Variants in ZNF536 observed in about 807,000 individuals in gnomAD.
The protein encoded by ZNF536 is zinc finger protein 536.
In ZNF536, 13 loss-of-function variants were observed where a neutral mutation model predicts 84.5. The ratio of observed to expected loss-of-function variants is 0.15; its 90% CI spans 0.10 to 0.24. The LOEUF is 0.24. ZNF536 is among the 10% of genes least tolerant of loss of function. The pLI is 1.00. For missense variants in ZNF536, 1,536 were observed against 1,747.5 expected (o/e 0.88, Z 2.16); for synonymous variants, 811 against 742.5 (o/e 1.09, Z -1.50).
At chr19:30,536,063 A>G (rs1281590436) in intron 3 of ZNF536, among the ~76,000 whole-genome samples, 2 of 152,114 alleles carry the variant, frequency 1.3e-5, no homozygotes, top group Non-Finnish European at 2.9e-5. Context: ...TTCATCCTGC[A>G]TGCCTCTCTT....
Position 30,408,449 on chromosome 19 carries a change from T to C in ZNF536, c.-2-35112T>C, listed in dbSNP as rs112274981. 5.6e-3 allele frequency among the ~76,000 whole-genome samples: 858 copies of C among 152,314 alleles called. 10 individuals are homozygous for C. The highest frequency in any genetic ancestry group is 0.019 in the African/African-American group (806 of 41,578). Reference sequence around the variant, plus strand: ...AGCTTCTTTCCTTCAGTACTCCATCTGCATTATTTGTCCAGGCCACAGCCT... The same window carrying C: ...AGCTTCTTTCCTTCAGTACTCCATCCGCATTATTTGTCCAGGCCACAGCCT... On this transcript the variant is annotated intron_variant, in intron 1 of 4. Coordinates refer to ENST00000355537, the MANE Select transcript of ZNF536 (RefSeq NM_014717.3).
chr19:30,235,109 G>A (rs1284550523), intron 1 of ZNF536, among the ~76,000 whole-genome samples: 1 of 152,162 alleles, frequency 6.6e-6, no homozygotes, highest in African/African-American at 2.4e-5. Context: ...ATTGGGTGGT[G>A]ACCCCATGCC....
At chr19:30,332,091 A>T (rs980833340) in intron 2 of ZNF536, among the ~76,000 whole-genome samples, 11 of 152,192 alleles carry the variant, frequency 7.2e-5, no homozygotes, top group Non-Finnish European at 1.3e-4. Flanking sequence ...ATCCATGGCC[A>T]CGGGCATCAA....
At chr19:30,485,603 C>CTTTTTTTTTTTTT (rs60352241) in intron 2 of ZNF536, among the ~76,000 whole-genome samples, 1 of 141,328 alleles carries the variant, frequency 7.1e-6, no homozygotes, top group Non-Finnish European at 1.6e-5. Flanking sequence ...TTTTTTTCTT[C>CTTTTTTTTTTTTT]TTTTTTTTTT....
chr19:30,268,778 T>G (rs2025659495), intron 1 of ZNF536, among the ~76,000 whole-genome samples: 1 of 152,190 alleles, frequency 6.6e-6, no homozygotes, highest in Non-Finnish European at 1.5e-5. Flanking sequence ...GTGGAAAATG[T>G]CGTGGGGGTT....
rs539180513 is a variant in ZNF536 at position 30,577,722 on chromosome 19, C to G, written c.169+28208C>G. On this transcript the variant is annotated intron_variant, in intron 1 of 1. Transcript: ENST00000592773. ...AACCTAATTTTCATTCAGTGCTGCCCCTGTCTGTGGAGTCATATACAAAGT... is the reference window on the plus strand; with the variant it reads ...AACCTAATTTTCATTCAGTGCTGCCGCTGTCTGTGGAGTCATATACAAAGT... Among the ~76,000 whole-genome samples the G allele has an allele frequency of 1.3e-4, 20 of 152,222 alleles. No homozygotes were observed. The South Asian group carries it at 3.7e-3, about 29-fold the overall frequency.
At chr19:30,431,179 C>T (rs2051444090) in intron 1 of ZNF536, among the ~76,000 whole-genome samples, 1 of 152,168 alleles carries the variant, frequency 6.6e-6, no homozygotes, top group African/African-American at 2.4e-5. Flanking sequence ...GATGGGCCAC[C>T]TGCAGCCAGC....
At position 30,614,942 on chromosome 19, in the gene ZNF536, A is replaced by ATTTTTTTTTTTTTTTTTTTTTTTTTT; in HGVS notation, c.169+65450_169+65451insTTTTTTTTTTTTTTTTTTTTTTTTTT. Among the ~76,000 whole-genome samples the ATTTTTTTTTTTTTTTTTTTTTTTTTT allele has an allele frequency of 4.0e-4, 13 of 32,308 alleles. 3 individuals carry two copies. Among genetic ancestry groups the ATTTTTTTTTTTTTTTTTTTTTTTTTT allele is most frequent in the Admixed American group, 5.9e-4 (2 of 3,410 alleles). The allele number at this position is 32,308 out of a possible 152,430, so 21.2% of individuals were successfully genotyped here. On this transcript the variant is annotated intron_variant, in intron 1 of 1. Transcript: ENST00000592773. ...TTTTCTTTTATTCTCCCCCTTTTCA[A>ATTTTTTTTTTTTTTTTTTTTTTTTTT]TTTTTTTTTTTTTTTTTTTTTTGAG...
At chr19:30,421,385 T>G (rs1373575005) in intron 1 of ZNF536, among the ~76,000 whole-genome samples, 1 of 152,022 alleles carries the variant, frequency 6.6e-6, no homozygotes, top group Non-Finnish European at 1.5e-5. Context: ...CGACTTCATT[T>G]TTTTTAAATT....
chr19:30,524,551 T>A (rs2044496656), intron 2 of ZNF536, among the ~76,000 whole-genome samples: 1 of 152,132 alleles, frequency 6.6e-6, no homozygotes, highest in African/African-American at 2.4e-5. Flanking sequence ...AATCATCCCT[T>A]CTCCTTTCAG....
At chr19:30,566,669 A>ATG (rs1296125084) in intron 1 of ZNF536, among the ~76,000 whole-genome samples, 5 of 143,164 alleles carry the variant, frequency 3.5e-5, no homozygotes, top group South Asian at 2.3e-4. Context: ...GCCTCTCCGG[A>ATG]CAGTGGAAGT....
chr19:30,398,345 G>T (rs1283939108), intron 1 of ZNF536, among the ~76,000 whole-genome samples: 1 of 151,196 alleles, frequency 6.6e-6, no homozygotes, highest in Non-Finnish European at 1.5e-5. Flanking sequence ...TGTATAAATG[G>T]AACCATATGG....
chr19:30,653,188 C>G (rs2049774348), intron 1 of ZNF536, among the ~76,000 whole-genome samples: 1 of 152,188 alleles, frequency 6.6e-6, no homozygotes, highest in African/African-American at 2.4e-5. Flanking sequence ...ACCAGATCCC[C>G]ATGGATCTTG....
At position 30,412,000 on chromosome 19, in the gene ZNF536, T is replaced by G. The variant is rs34876212; in HGVS notation, c.-2-31561T>G. Reference sequence around the variant, plus strand: ...TAGATTTTGCCCATGTCTTATTATATTTATTCTGGGTGTTTGAAATTTCCT... The same window carrying G: ...TAGATTTTGCCCATGTCTTATTATAGTTATTCTGGGTGTTTGAAATTTCCT... On this transcript the variant is annotated intron_variant, in intron 1 of 4. Transcript: ENST00000355537. Among the ~76,000 whole-genome samples, 1,423 of 152,138 alleles carry G rather than the reference T, an allele frequency of 9.4e-3. 10 individuals carry two copies. The highest frequency in any genetic ancestry group is 0.015 in the Non-Finnish European group (992 of 67,894).
downstream of ZNF536, among the ~76,000 whole-genome samples, chr19:30,562,122 C>T (rs1458132293): frequency 3.3e-5 from 5 of 152,142 alleles, no homozygotes; most frequent in Non-Finnish European, 7.4e-5. Flanking sequence ...CTTTGGGCAC[C>T]ATTTTCCTCT....
intron 1 of ZNF536, among the ~76,000 whole-genome samples, chr19:30,600,196 G>A (rs2041355740): frequency 1.3e-5 from 2 of 152,022 alleles, no homozygotes; most frequent in African/African-American, 2.4e-5. Context: ...AAGTGTAAGC[G>A]ATCCTTCTGC....
At chr19:30,581,847 T>A (rs994477845) in intron 1 of ZNF536, among the ~76,000 whole-genome samples, 2 of 152,030 alleles carry the variant, frequency 1.3e-5, no homozygotes, top group African/African-American at 4.8e-5. Flanking sequence ...GGCAGGAGAA[T>A]TGCTTGAACC....
intron 1 of ZNF536, among the ~76,000 whole-genome samples, chr19:30,663,273 G>A (rs1209866042): frequency 7.2e-5 from 11 of 152,066 alleles, no homozygotes; most frequent in African/African-American, 2.7e-4. Flanking sequence ...CCCCCTGAGT[G>A]AAATAATTTG....
At chr19:30,519,389 G>C (rs1169393333) in intron 2 of ZNF536, among the ~76,000 whole-genome samples, 6 of 152,380 alleles carry the variant, frequency 3.9e-5, no homozygotes. Flanking sequence ...GGAAGACCAA[G>C]CTGACTTCTC....
Sources: allele counts gnomAD v4.1 joint callset (sites outside exome capture counted in the v4.1 genomes callset), GRCh38; gene constraint gnomAD v4.1.1; transcripts MANE v1.5; gene names NCBI Gene and HGNC (gene_info 2026-07-23, HGNC 2026-07-21).